Variants in ROBO2 observed in about 807,000 individuals in gnomAD.
ROBO2 encodes roundabout homolog 2.
A neutral mutation model predicts 160.8 loss-of-function variants in ROBO2; 53 were observed. The ratio of observed to expected loss-of-function variants is 0.33; its 90% CI spans 0.26 to 0.41. The LOEUF (loss-of-function observed/expected upper bound fraction) is 0.41. ROBO2 is among the 10% of genes least tolerant of loss of function. The pLI is 1.00. For missense variants in ROBO2, 1,577 were observed against 1,722.4 expected (o/e 0.92, Z 1.49); for synonymous variants, 664 against 611.7 (o/e 1.09, Z -1.26).
intron 2 of ROBO2, among the ~76,000 whole-genome samples, chr3:77,171,214 T>A (rs183445569): frequency 6.6e-6 from 1 of 152,252 alleles, no homozygotes; most frequent in East Asian, 1.9e-4. Flanking sequence ...CTAGAGGATA[T>A]AACTGGCAAA....
At chr3:77,252,635 A>G (rs1358170123) in intron 2 of ROBO2, among the ~76,000 whole-genome samples, 2 of 150,366 alleles carry the variant, frequency 1.3e-5, no homozygotes, top group South Asian at 2.1e-4. Flanking sequence ...GTGAAACCCC[A>G]TCTCTACTAA....
chr3:76,992,336 TA>T (rs1189570561), intron 2 of ROBO2, among the ~76,000 whole-genome samples: 2 of 56,186 alleles, frequency 3.6e-5, no homozygotes, highest in Non-Finnish European at 6.2e-5. Context: ...TATATATATA[TA>T]TATATATATA....
intron 2 of ROBO2, among the ~76,000 whole-genome samples, chr3:76,920,965 C>T (rs748377647): frequency 6.6e-5 from 10 of 152,046 alleles, no homozygotes; most frequent in African/African-American, 1.2e-4. Flanking sequence ...TCTATTACTA[C>T]GTTAAACTAT....
chr3:75,994,536 C>T (rs555438459), intron 2 of ROBO2, among the ~76,000 whole-genome samples: 2 of 152,316 alleles, frequency 1.3e-5, no homozygotes, highest in South Asian at 4.1e-4. Context: ...TCTCTCTTCA[C>T]CCTTTGAAGA....
At chr3:77,598,953 G>T (rs1314154661) in intron 19 of ROBO2, among the ~76,000 whole-genome samples, 2 of 152,162 alleles carry the variant, frequency 1.3e-5, no homozygotes, top group Admixed American at 6.6e-5. Context: ...TACAGATGGA[G>T]AAAATGAATA....
At chr3:77,248,997 C>A (rs1232862561) in intron 2 of ROBO2, among the ~76,000 whole-genome samples, 1 of 152,136 alleles carries the variant, frequency 6.6e-6, no homozygotes. Flanking sequence ...CCTGCCTCAG[C>A]CTCCCGAGTA....
At chr3:77,200,275 A>C (rs1469560184) in intron 2 of ROBO2, among the ~76,000 whole-genome samples, 1 of 23,554 alleles carries the variant, frequency 4.2e-5, no homozygotes, top group Non-Finnish European at 7.7e-5. Context: ...TTTTATATAT[A>C]TATATATATA....
Position 77,031,324 on chromosome 3 carries a change from T to C in ROBO2, c.110-66690T>C, listed in dbSNP as rs191747738. Among the ~76,000 whole-genome samples, 37 of 151,884 alleles carry C rather than the reference T, an allele frequency of 2.4e-4. No individual in the cohort carries two copies. The East Asian group carries it at 7.2e-3, about 29-fold the overall frequency. On this transcript the variant is annotated intron_variant, in intron 2 of 26. Transcript: ENST00000487694. ...GAATATTCATTCTCAATGGGGATGA[T>C]GGGAAGATGGTTCTTGGGGCAAAAA...
intron 2 of ROBO2, among the ~76,000 whole-genome samples, chr3:76,490,669 A>T (rs1008809340): frequency 6.6e-6 from 1 of 152,092 alleles, no homozygotes; most frequent in Non-Finnish European, 1.5e-5. Flanking sequence ...TTTTTAATTT[A>T]AAAAAATGCA....
At chr3:76,118,860 G>C (rs1391254327) in intron 2 of ROBO2, among the ~76,000 whole-genome samples, 3 of 152,086 alleles carry the variant, frequency 2.0e-5, no homozygotes, top group African/African-American at 7.2e-5. Flanking sequence ...TTAACAAAAT[G>C]GGCACCGTTT....
chr3:77,646,822 T>A (rs2095415707), exon 26 of ROBO2: 1 of 152,612 alleles, frequency 6.6e-6, no homozygotes. Flanking sequence ...AAAGATGTAA[T>A]AAATTTGCTT....
chr3:77,404,292 A>G (rs2076080368), intron 2 of ROBO2, among the ~76,000 whole-genome samples: 1 of 152,136 alleles, frequency 6.6e-6, no homozygotes, highest in Non-Finnish European at 1.5e-5. Flanking sequence ...AGGCAAAATC[A>G]TCTCTTAGTT....
At chr3:77,084,269 C>A (rs183091259) in intron 1 of ROBO2, among the ~76,000 whole-genome samples, 241 of 152,058 alleles carry the variant, frequency 1.6e-3, no homozygotes, top group Admixed American at 3.6e-3. Context: ...GGGAAAATTA[C>A]GTGGAATATT....
chr3:76,846,627 C>T (rs2068796957), intron 2 of ROBO2, among the ~76,000 whole-genome samples: 1 of 151,862 alleles, frequency 6.6e-6, no homozygotes, highest in Non-Finnish European at 1.5e-5. Context: ...TTTTAAAAGA[C>T]TTTTCTTCTT....
chr3:77,579,213 C>T (rs2153674233), intron 15 of ROBO2, among the ~76,000 whole-genome samples: 1 of 152,154 alleles, frequency 6.6e-6, no homozygotes, highest in African/African-American at 2.4e-5. Flanking sequence ...ATTTCTATAT[C>T]CAAGAAGATG....
At chr3:76,130,071 A>G (rs960030221) in intron 2 of ROBO2, among the ~76,000 whole-genome samples, 1 of 152,140 alleles carries the variant, frequency 6.6e-6, no homozygotes, top group Non-Finnish European at 1.5e-5. Context: ...ATTAAAAAAT[A>G]AAAGTCGGAT....
chr3:76,112,624 T>C (rs2070284653), intron 2 of ROBO2, among the ~76,000 whole-genome samples: 1 of 152,168 alleles, frequency 6.6e-6, no homozygotes, highest in African/African-American at 2.4e-5. Context: ...TCAGAAGAAA[T>C]CTTCACTGTA....
chr3:76,267,709 T>C (rs1161966430), intron 2 of ROBO2, among the ~76,000 whole-genome samples: 1 of 152,180 alleles, frequency 6.6e-6, no homozygotes, highest in Non-Finnish European at 1.5e-5. Context: ...TTTGCTTATA[T>C]ATGATAAATA....
At chr3:77,116,859 T>C (rs1170173513) in intron 2 of ROBO2, among the ~76,000 whole-genome samples, 1 of 152,188 alleles carries the variant, frequency 6.6e-6, no homozygotes, top group African/African-American at 2.4e-5. Flanking sequence ...TTGCGACAGA[T>C]AGAAAATTAC....
Sources: allele counts gnomAD v4.1 joint callset (sites outside exome capture counted in the v4.1 genomes callset), GRCh38; gene constraint gnomAD v4.1.1; transcripts MANE v1.5; gene names NCBI Gene and HGNC (gene_info 2026-07-23, HGNC 2026-07-21).